The following USP15 variants were observed in gnomAD, a reference collection of about 807,000 sequenced individuals.
The protein encoded by USP15 is ubiquitin specific peptidase 15, also known as ubiquitin carboxyl-terminal hydrolase 15.
USP15 carries 18 observed loss-of-function variants against 127.1 expected under a neutral mutation model. The ratio of observed to expected loss-of-function variants is 0.14; its 90% CI spans 0.10 to 0.21. USP15 has a LOEUF of 0.21. Ranked by LOEUF, USP15 falls within the 10% of genes least tolerant of loss-of-function variation. The pLI is 1.00. For synonymous variants in USP15, 364 were observed against 393.7 expected, an observed-to-expected ratio of 0.92 and a Z score of 0.89; for missense variants, 805 against 1,159.9, an observed-to-expected ratio of 0.69 and a Z score of 4.44.
intron 3 of USP15, among the ~76,000 whole-genome samples, chr12:62,314,422 G>A (rs1565845737): frequency 6.6e-6 from 1 of 151,860 alleles, no homozygotes; most frequent in Non-Finnish European, 1.5e-5. Context: ...TGTATAAACA[G>A]AGAACGTACA....
intron 20 of USP15, among the ~76,000 whole-genome samples, chr12:62,399,610 G>C (rs1442866392): frequency 6.6e-6 from 1 of 152,022 alleles, no homozygotes; most frequent in Non-Finnish European, 1.5e-5. Flanking sequence ...TTCATATATT[G>C]AGAACAGGGT....
At chr12:62,267,767 T>G (rs540779745) in intron 1 of USP15, among the ~76,000 whole-genome samples, 1 of 152,186 alleles carries the variant, frequency 6.6e-6, no homozygotes, top group South Asian at 2.1e-4. Flanking sequence ...GTATTCTAAG[T>G]TTAGAGCCAG....
chr12:62,315,493 ATG>A (rs1358289256), intron 4 of USP15, among the ~76,000 whole-genome samples: 1 of 152,114 alleles, frequency 6.6e-6, no homozygotes, highest in Non-Finnish European at 1.5e-5. Context: ...ATTGAATAAA[ATG>A]TTTTTTAAAA....
rs974600766 is a variant in USP15, at chr12:62,410,144, G to A, written c.*5769G>A. 2 of 151,946 alleles carry A rather than the reference G, an allele frequency of 1.3e-5. No individual in the cohort carries two copies. The highest frequency in any genetic ancestry group is 2.9e-5 in the Non-Finnish European group (2 of 67,980). 9.4% of individuals were successfully genotyped at this position (151,946 alleles called of 1,614,324 possible). Reference sequence around the variant, plus strand: ...GAGAACCATCTTTCCATTATATCAAGTGGGCAATATTTAAATTGTCTGATA... The same window carrying A: ...GAGAACCATCTTTCCATTATATCAAATGGGCAATATTTAAATTGTCTGATA... On this transcript the variant is annotated 3_prime_UTR_variant, in exon 22 of 22. Transcript: ENST00000280377.
At chr12:62,372,606 A>T (rs999571609) in intron 8 of USP15, among the ~76,000 whole-genome samples, 1 of 152,114 alleles carries the variant, frequency 6.6e-6, no homozygotes, top group African/African-American at 2.4e-5. Flanking sequence ...GTAAACTCAC[A>T]CAATTCTTAA....
intron 1 of USP15, among the ~76,000 whole-genome samples, chr12:62,287,619 A>G (rs965451911): frequency 1.3e-5 from 2 of 152,080 alleles, no homozygotes; most frequent in Non-Finnish European, 2.9e-5. Flanking sequence ...TGTTTTTGAG[A>G]TGTTAGTCAT....
rs945913953 is a variant in USP15 at position 62,407,550 on chromosome 12, A to C, written c.*3175A>C. 2.0e-5 allele frequency: 3 copies of C among 152,354 alleles called. No homozygotes were observed. Among genetic ancestry groups the C allele is most frequent in the African/African-American group, 7.2e-5 (3 of 41,588 alleles). 9.4% of individuals were successfully genotyped at this position (152,354 alleles called of 1,614,324 possible). A position where few individuals can be genotyped will look rare whatever the true frequency, so the allele number is the denominator to read the frequency against. On this transcript the variant is annotated 3_prime_UTR_variant, in exon 22 of 22. Coordinates refer to ENST00000280377, the MANE Select transcript of USP15 (RefSeq NM_001252078.2). ...GAAAGTACCCACTGGAATATTGACT[A>C]ACCCATTCCCTTTTAAAAATTAATT...
At chr12:62,295,855 T>G (rs1023672297) in intron 2 of USP15, among the ~76,000 whole-genome samples, 1 of 152,194 alleles carries the variant, frequency 6.6e-6, no homozygotes, top group Non-Finnish European at 1.5e-5. Flanking sequence ...TCCTCACTCT[T>G]GTATAATACT....
At chr12:62,384,487 T>A (rs2067085649) in intron 11 of USP15, among the ~76,000 whole-genome samples, 185 bp downstream of exon 11, 1 of 151,702 alleles carries the variant, frequency 6.6e-6, no homozygotes, top group South Asian at 2.1e-4. Context: ...TGTAACTTTT[T>A]ACAGTCTTGA....
At chr12:62,355,689 G>A (rs1304863674) in intron 8 of USP15, among the ~76,000 whole-genome samples, 3 of 151,590 alleles carry the variant, frequency 2.0e-5, no homozygotes, top group Non-Finnish European at 4.4e-5. Context: ...TTAACATAAT[G>A]TACAAGATTA....
chr12:62,398,504 A>G (rs1464443153), intron 20 of USP15, among the ~76,000 whole-genome samples: 2 of 152,198 alleles, frequency 1.3e-5, no homozygotes, highest in African/African-American at 4.8e-5. Flanking sequence ...GATTTTCATT[A>G]TCTTTCAATT....
In USP15 at chr12:62,260,443, A is replaced by G; in HGVS notation, c.29A>G (p.Asp10Gly). ...GCGGAAGGCGGAGCGGCGGATCTGGACACCCAGCGGTCTGACATCGCGACG... is the reference window on the plus strand; with the variant it reads ...GCGGAAGGCGGAGCGGCGGATCTGGGCACCCAGCGGTCTGACATCGCGACG... MAEGGAADL[D>G]TQRSDIATLL... is the part of the protein sequence containing the mutation. Residue 10 changes from aspartate to glycine, a missense_variant, in exon 1 of 22, where the codon GAC (aspartate) becomes GGC (glycine). By Grantham distance (94) the Asp-to-Gly change is moderately conservative. Coordinates refer to ENST00000280377, the MANE Select transcript of USP15 (RefSeq NM_001252078.2). The G allele has an allele frequency of 6.4e-7, 1 of 1,551,766 alleles. No individual in the cohort carries two copies. The highest frequency in any genetic ancestry group is 8.7e-7 in the Non-Finnish European group (1 of 1,147,728).
At chr12:62,313,943 T>A (rs1335257416) in intron 3 of USP15, 1 of 535,710 alleles carries the variant, frequency 1.9e-6, no homozygotes, top group Non-Finnish European at 2.4e-6. Context: ...GCCTCCCTTT[T>A]GCCATATTTG....
At chr12:62,301,928 A>G (rs978630651) in intron 2 of USP15, among the ~76,000 whole-genome samples, 2 of 152,196 alleles carry the variant, frequency 1.3e-5, no homozygotes, top group Admixed American at 6.5e-5. Context: ...TCTGCATTTT[A>G]AAAATTCACA....
At chr12:62,357,524 A>T (rs577610638) in intron 8 of USP15, among the ~76,000 whole-genome samples, 1 of 152,192 alleles carries the variant, frequency 6.6e-6, no homozygotes, top group East Asian at 1.9e-4. Flanking sequence ...CACAGCCGTG[A>T]GCGTGATGGT....
intron 21 of USP15, 143 bp from the exon 22 acceptor site, chr12:62,404,050 T>G (rs919716591): frequency 9.6e-7 from 1 of 1,040,402 alleles, no homozygotes; most frequent in Non-Finnish European, 1.3e-6. Context: ...TTAATGAATT[T>G]TAGTAACTTC....
At position 62,389,691 on chromosome 12, in the gene USP15, T is replaced by C. The variant is rs779428000; in HGVS notation, c.1644T>C (p.Asp548=). 2 of 1,611,848 alleles carry C rather than the reference T, an allele frequency of 1.2e-6. No homozygotes were observed. Among genetic ancestry groups the C allele is most frequent in the Non-Finnish European group, 1.7e-6 (2 of 1,178,970 alleles). The part of the protein sequence containing the change: ...ENLSSIMERD[D]IYVFEININR... ...TTAGTAGTATTATGGAACGGGATGA[T>C]ATTTATGTGTAAGTATAAAACTCAT... The change falls in exon 13 of 22, where the codon GAT becomes GAC. Residue 548 remains aspartate, a synonymous_variant. Coordinates refer to ENST00000280377, the MANE Select transcript of USP15 (RefSeq NM_001252078.2).
chr12:62,367,791 T>A (rs2066526469), intron 8 of USP15, among the ~76,000 whole-genome samples: 1 of 152,174 alleles, frequency 6.6e-6, no homozygotes, highest in South Asian at 2.1e-4. Context: ...TTTGAAAGGT[T>A]TTTCGTGTCT....
chr12:62,336,693 ATTG>A (rs2065477429), intron 6 of USP15: 1 of 226,074 alleles, frequency 4.4e-6, no homozygotes, highest in Non-Finnish European at 7.4e-6. Context: ...AAAAAGTTGC[ATTG>A]TTTTTTATTT....
Sources: allele counts gnomAD v4.1 joint callset (sites outside exome capture counted in the v4.1 genomes callset), GRCh38; gene constraint gnomAD v4.1.1; transcripts MANE v1.5; gene names NCBI Gene and HGNC (gene_info 2026-07-23, HGNC 2026-07-21).